KATNBL1: variants seen among roughly 807,000 people sequenced by gnomAD.
The protein encoded by KATNBL1 is KATNB1-like protein 1.
A neutral mutation model predicts 44.7 loss-of-function variants in KATNBL1; 28 were observed. The ratio of observed to expected loss-of-function variants is 0.63; its 90% confidence interval spans 0.46 to 0.86. The LOEUF is 0.86. Among genes scored for constraint, KATNBL1 ranks in the 40% least tolerant of loss-of-function variants. The probability of loss-of-function intolerance (pLI) is 0.00; values close to 1 mark genes in which losing one functional copy is unlikely to be tolerated. For missense variants in KATNBL1, 272 were observed against 350.7 expected, an observed-to-expected ratio of 0.78 and a Z score of 1.79; for synonymous variants, 78 against 114.9, an observed-to-expected ratio of 0.68 and a Z score of 2.06.
intron 1 of KATNBL1, among the ~76,000 whole-genome samples, chr15:34,166,692 G>A (rs567100642): frequency 6.6e-6 from 1 of 152,284 alleles, no homozygotes; most frequent in South Asian, 2.1e-4. Context: ...AGTAGAGGCC[G>A]ACTGACACCT....
rs575683849 is a variant in KATNBL1 at position 34,164,906 on chromosome 15, T to C, written c.-14-1216A>G. Reference sequence around the variant, plus strand: ...TCTGCAGTGGAGCCCAAAGCAATTATATTTTTAAAAAGCTCCACAAGTATT... The same window carrying C: ...TCTGCAGTGGAGCCCAAAGCAATTACATTTTTAAAAAGCTCCACAAGTATT... On this transcript the variant is annotated intron_variant, in intron 1 of 9. Coordinates refer to ENST00000256544, the MANE Select transcript of KATNBL1 (RefSeq NM_024713.3). 1.1e-4 allele frequency among the ~76,000 whole-genome samples: 17 copies of C among 152,374 alleles called. No individual in the cohort carries two copies. In the East Asian group the frequency reaches 3.1e-3, roughly 28 times the overall value.
intron 1 of KATNBL1, among the ~76,000 whole-genome samples, chr15:34,174,660 TACTA>T (rs564988252): frequency 1.4e-4 from 21 of 152,018 alleles, no homozygotes; most frequent in African/African-American, 3.4e-4. Context: ...ATCATGCAAA[TACTA>T]ACTTTTTTTT....
intron 1 of KATNBL1, 119 bp downstream of exon 1, chr15:34,209,832 C>G (rs1255656270): frequency 6.7e-6 from 1 of 148,446 alleles, no homozygotes; most frequent in Non-Finnish European, 1.5e-5. Flanking sequence ...CCCGGCCGAG[C>G]CGAGGCCGCC....
chr15:34,195,690 C>CAAAAAAAAAAAAAAAAA (rs5811824), intron 1 of KATNBL1, among the ~76,000 whole-genome samples: 25 of 111,404 alleles, frequency 2.2e-4, no homozygotes, highest in African/African-American at 9.1e-4. Flanking sequence ...GACGCCATCT[C>CAAAAAAAAAAAAAAAAA]AAAAAAAAAA....
At chr15:34,206,782 A>T (rs1890303757) in intron 1 of KATNBL1, among the ~76,000 whole-genome samples, 1 of 149,096 alleles carries the variant, frequency 6.7e-6, no homozygotes, top group Admixed American at 6.8e-5. Flanking sequence ...CAAGAGCAAG[A>T]CTCCGTCTCA....
intron 1 of KATNBL1, among the ~76,000 whole-genome samples, chr15:34,191,815 C>T (rs1360176614): frequency 2.6e-5 from 4 of 151,606 alleles, no homozygotes; most frequent in African/African-American, 9.7e-5. Flanking sequence ...GGCGTGGTGG[C>T]GGGCGCCTGT....
At chr15:34,202,819 C>T (rs1228800546) in intron 1 of KATNBL1, among the ~76,000 whole-genome samples, 3 of 151,988 alleles carry the variant, frequency 2.0e-5, no homozygotes, top group Non-Finnish European at 4.4e-5. Context: ...GGTGAAAACC[C>T]ATCTCTACTA....
At chr15:34,206,340 A>T (rs927204492) in intron 1 of KATNBL1, among the ~76,000 whole-genome samples, 30 of 152,258 alleles carry the variant, frequency 2.0e-4, no homozygotes, top group Non-Finnish European at 5.9e-5. Flanking sequence ...AGTCCTTTCA[A>T]AATACCTTTT....
chr15:34,146,742 T>C lies in KATNBL1; in HGVS notation c.788+19A>G. ...TGAAGAAAATTTCAGCATGAGTTTA[T>C]CTTTAAAGGTATACTCACCCATCAT... On this transcript the variant is annotated intron_variant, in intron 8 of 9. Coordinates refer to ENST00000256544, the MANE Select transcript of KATNBL1 (RefSeq NM_024713.3). 5.6e-6 allele frequency: 8 copies of C among 1,419,610 alleles called. No individual in the cohort carries two copies. Among genetic ancestry groups the C allele is most frequent in the Non-Finnish European group, 8.0e-6 (8 of 1,004,982 alleles). The allele number at this position is 1,419,610 out of a possible 1,614,324, so 87.9% of individuals were successfully genotyped here. A position where few individuals can be genotyped will look rare whatever the true frequency, so the allele number is the denominator to read the frequency against.
chr15:34,188,137 TAAAAA>T (rs1201268078), intron 1 of KATNBL1, among the ~76,000 whole-genome samples: 68 of 22,098 alleles, frequency 3.1e-3, no homozygotes, highest in South Asian at 0.021. Context: ...AGACGCCATG[TAAAAA>T]AAAAAAAAAA....
chr15:34,151,708 G>A (rs184722388), intron 4 of KATNBL1, among the ~76,000 whole-genome samples: 17 of 151,914 alleles, frequency 1.1e-4, no homozygotes, highest in Admixed American at 1.0e-3. Flanking sequence ...CCCAAAGTGT[G>A]CCACCATGCC....
At chr15:34,208,129 C>T (rs1890341698) in intron 1 of KATNBL1, among the ~76,000 whole-genome samples, 1 of 151,914 alleles carries the variant, frequency 6.6e-6, no homozygotes, top group Admixed American at 6.6e-5. Flanking sequence ...TTTTGGGGAA[C>T]AAGTGGTGTT....
intron 1 of KATNBL1, among the ~76,000 whole-genome samples, chr15:34,167,970 G>A (rs1388291614): frequency 6.6e-6 from 1 of 152,142 alleles, no homozygotes; most frequent in Non-Finnish European, 1.5e-5. Flanking sequence ...ACCAGTACCA[G>A]CCACTGCAAA....
rs189505560 is a variant in KATNBL1, at chr15:34,140,884, T to C, written c.*1455A>G. The C allele has an allele frequency of 6.6e-6, 1 of 152,296 alleles. No individual in the cohort carries two copies. Among genetic ancestry groups the C allele is most frequent in the African/African-American group, 2.4e-5 (1 of 41,574 alleles). The allele number at this position is 152,296 out of a possible 1,614,324, so 9.4% of individuals were successfully genotyped here. A position where few individuals can be genotyped will look rare whatever the true frequency, so the allele number is the denominator to read the frequency against. ...ATGTTCACTGTGAGGAATATCTAGC[T>C]ATATAAAATATAGCTACACAAAACC... On this transcript the variant is annotated 3_prime_UTR_variant, in exon 10 of 10. Coordinates refer to ENST00000256544, the MANE Select transcript of KATNBL1 (RefSeq NM_024713.3).
In KATNBL1 at chr15:34,158,173, T is replaced by A. The variant is rs1888694163; in HGVS notation, c.118-3489A>T. 2.0e-5 allele frequency among the ~76,000 whole-genome samples: 3 copies of A among 152,184 alleles called. 1 individual carries two copies. The South Asian group carries it at 6.2e-4, about 31-fold the overall frequency. On this transcript the variant is annotated intron_variant, in intron 2 of 9. Transcript: ENST00000256544. The stretch of plus-strand genomic sequence containing the variant: ...CTATCTGTAACCTGTCATGTCAAAG[T>A]GTAAATTGCTACACATCCATAAACC...
chr15:34,145,141 T>C (rs1888269053), intron 9 of KATNBL1: 42 of 1,193,360 alleles, frequency 3.5e-5, no homozygotes, highest in Non-Finnish European at 3.5e-5. Context: ...TTTCTCTGAT[T>C]AAAACCCTCT....
At chr15:34,194,745 A>G (rs1211080315) in intron 1 of KATNBL1, among the ~76,000 whole-genome samples, 1 of 152,228 alleles carries the variant, frequency 6.6e-6, no homozygotes, top group Non-Finnish European at 1.5e-5. Flanking sequence ...ATCTCAGACA[A>G]TCAGACAACT....
intron 1 of KATNBL1, among the ~76,000 whole-genome samples, chr15:34,182,978 T>C (rs115627963): frequency 0.019 from 2,915 of 150,462 alleles, 84 homozygotes; most frequent in African/African-American, 0.067. Flanking sequence ...TAAAAATAAA[T>C]TGGGGCACAC....
chr15:34,159,360 G>A (rs949784449), intron 2 of KATNBL1, among the ~76,000 whole-genome samples: 6 of 152,106 alleles, frequency 3.9e-5, no homozygotes, highest in Non-Finnish European at 7.4e-5. Context: ...AGCTAGGATG[G>A]GGACAGTTAC....
Sources: gnomAD v4.1 joint callset for allele counts (sites outside exome capture counted in the v4.1 genomes callset) on GRCh38, gnomAD v4.1.1 for gene constraint, MANE v1.5 for transcripts, NCBI Gene and HGNC (gene_info 2026-07-23, HGNC 2026-07-21) for gene names.